NOL4: variants seen among roughly 807,000 people sequenced by gnomAD.
NOL4 encodes nucleolar protein 4.
In NOL4, 17 loss-of-function variants were observed where a neutral mutation model predicts 75.9. That is an observed-to-expected ratio of 0.22 (90% CI 0.15 to 0.34). The LOEUF is 0.34. Among genes scored for constraint, NOL4 ranks in the 10% least tolerant of loss-of-function variants. NOL4 has a pLI of 1.00. For synonymous variants in NOL4, 292 were observed against 289.9 expected (o/e 1.01, Z -0.07); for missense variants, 614 against 793.5 (o/e 0.77, Z 2.72).
chr18:34,174,774 G>A (rs964602799), intron 1 of NOL4, among the ~76,000 whole-genome samples: 5 of 152,022 alleles, frequency 3.3e-5, no homozygotes, highest in Admixed American at 2.0e-4. Flanking sequence ...GAGAACATGC[G>A]GTGTTTGATT....
At chr18:34,203,721 A>T (rs62095786) in intron 1 of NOL4, among the ~76,000 whole-genome samples, 10,557 of 76,734 alleles carry the variant, frequency 0.14, 410 homozygotes, top group Non-Finnish European at 0.18. Context: ...TCTCTCTCAC[A>T]CACACACACA....
chr18:34,091,767 A>G (rs921861498), intron 5 of NOL4, among the ~76,000 whole-genome samples: 2 of 152,318 alleles, frequency 1.3e-5, no homozygotes, highest in Non-Finnish European at 1.5e-5. Context: ...GATCACTGCA[A>G]GAGAAAACTC....
In NOL4 at chr18:33,954,126, C is replaced by T. The variant is rs1248485066; in HGVS notation, c.1428+3200G>A. Among the ~76,000 whole-genome samples, 4 of 152,092 alleles carry T rather than the reference C, an allele frequency of 2.6e-5. No homozygotes were observed. In the East Asian group the frequency reaches 7.7e-4, roughly 29 times the overall value. Reference sequence around the variant, plus strand: ...AAAATGGCATAGTATTTGCCTATTACCTAGGCACACTGTCTCATATACTTT... The same window carrying T: ...AAAATGGCATAGTATTTGCCTATTATCTAGGCACACTGTCTCATATACTTT... On this transcript the variant is annotated intron_variant, in intron 8 of 10. Coordinates refer to ENST00000261592, the MANE Select transcript of NOL4 (RefSeq NM_003787.5).
intron 9 of NOL4, among the ~76,000 whole-genome samples, chr18:33,941,667 G>A (rs896758311): frequency 1.3e-5 from 2 of 151,934 alleles, no homozygotes; most frequent in Non-Finnish European, 2.9e-5. Context: ...TCCACAGGAT[G>A]AGTACTGTTA....
At chr18:34,055,513 T>A (rs569698546) in intron 5 of NOL4, among the ~76,000 whole-genome samples, 1 of 152,288 alleles carries the variant, frequency 6.6e-6, no homozygotes, top group South Asian at 2.1e-4. Context: ...ATGAGTCTTT[T>A]TTCCCTTGCT....
At chr18:34,041,462 C>G (rs891712353) in intron 5 of NOL4, among the ~76,000 whole-genome samples, 3 of 150,950 alleles carry the variant, frequency 2.0e-5, no homozygotes, top group Non-Finnish European at 3.0e-5. Context: ...GCACATGTCT[C>G]TTTCCTGATA....
At chr18:34,178,480 G>C (rs899189523) in intron 1 of NOL4, among the ~76,000 whole-genome samples, 1 of 151,554 alleles carries the variant, frequency 6.6e-6, no homozygotes, top group African/African-American at 2.4e-5. Flanking sequence ...ATGATATTCT[G>C]ACACAAAAAT....
chr18:34,186,521 G>C (rs1023948525), intron 1 of NOL4, among the ~76,000 whole-genome samples: 3 of 152,112 alleles, frequency 2.0e-5, no homozygotes, highest in Non-Finnish European at 4.4e-5. Flanking sequence ...ACACAAGTCT[G>C]CTTTCTAAAT....
At chr18:33,926,847 C>T (rs748009658) in intron 9 of NOL4, among the ~76,000 whole-genome samples, 5 of 152,172 alleles carry the variant, frequency 3.3e-5, no homozygotes, top group Non-Finnish European at 7.4e-5. Context: ...GTCCGCCCTC[C>T]TTGGCCTCCC....
In NOL4 at chr18:33,960,868, C is replaced by T. The variant is rs564387438; in HGVS notation, c.1057-2450G>A. On this transcript the variant is annotated intron_variant, in intron 6 of 10. Coordinates refer to ENST00000261592, the MANE Select transcript of NOL4 (RefSeq NM_003787.5). ...TCCTAAGGCACTGTATTTCTTGACA[C>T]CAACTTTTAAAATAGAAGTACCTCT... is the stretch of plus-strand genomic sequence containing the variant. Among the ~76,000 whole-genome samples the T allele has an allele frequency of 1.7e-4, 26 of 152,140 alleles. No individual in the cohort carries two copies. In the South Asian group the frequency reaches 3.5e-3, roughly 21 times the overall value.
At chr18:33,973,240 A>T (rs938447256) in intron 6 of NOL4, among the ~76,000 whole-genome samples, 2 of 152,314 alleles carry the variant, frequency 1.3e-5, no homozygotes, top group South Asian at 2.1e-4. Context: ...TTCTTTGATT[A>T]TCCATAAGAA....
At chr18:33,881,779 G>T (rs1416637654) in intron 10 of NOL4, among the ~76,000 whole-genome samples, 5 of 152,092 alleles carry the variant, frequency 3.3e-5, no homozygotes, top group African/African-American at 1.2e-4. Flanking sequence ...AAAGCTGGAG[G>T]CATCATGCTA....
chr18:34,147,979 C>G (rs1383648151), intron 1 of NOL4, among the ~76,000 whole-genome samples: 2 of 152,070 alleles, frequency 1.3e-5, no homozygotes, highest in African/African-American at 4.8e-5. Flanking sequence ...TCCATTTCTT[C>G]TAGATTTTCT....
At chr18:34,040,956 C>A (rs1244165016) in intron 5 of NOL4, among the ~76,000 whole-genome samples, 1 of 151,714 alleles carries the variant, frequency 6.6e-6, no homozygotes, top group African/African-American at 2.4e-5. Context: ...TTTAAGTTGG[C>A]AAGGAACACT....
At chr18:34,063,861 C>G (rs567402602) in intron 5 of NOL4, among the ~76,000 whole-genome samples, 7 of 151,884 alleles carry the variant, frequency 4.6e-5, no homozygotes, top group African/African-American at 1.5e-4. Flanking sequence ...AGATTATTTT[C>G]TCTCAAGGTG....
intron 2 of NOL4, among the ~76,000 whole-genome samples, chr18:34,110,895 T>C (rs545752793): frequency 1.3e-5 from 2 of 151,704 alleles, no homozygotes; most frequent in South Asian, 2.1e-4. Context: ...CAATGAACTA[T>C]ACAAAAAAGA....
chr18:34,151,491 T>C (rs552600718), intron 1 of NOL4, among the ~76,000 whole-genome samples: 12 of 151,874 alleles, frequency 7.9e-5, no homozygotes, highest in African/African-American at 2.9e-4. Context: ...TATCTGACCT[T>C]CTGGAAGAAG....
chr18:33,998,402 A>G (rs1031484484), intron 6 of NOL4, among the ~76,000 whole-genome samples: 1 of 152,068 alleles, frequency 6.6e-6, no homozygotes, highest in Non-Finnish European at 1.5e-5. Flanking sequence ...CTTTTTCTCC[A>G]TGAATGCTCC....
At chr18:34,174,965 G>A (rs994548950) in intron 1 of NOL4, among the ~76,000 whole-genome samples, 2 of 152,154 alleles carry the variant, frequency 1.3e-5, no homozygotes, top group South Asian at 2.1e-4. Context: ...CTTTGCTATT[G>A]TGAATCATTG....
Sources: allele counts gnomAD v4.1 joint callset (sites outside exome capture counted in the v4.1 genomes callset), GRCh38; gene constraint gnomAD v4.1.1; transcripts MANE v1.5; gene names NCBI Gene and HGNC (gene_info 2026-07-23, HGNC 2026-07-21).